CACNA2D3: variants seen among roughly 807,000 people sequenced by gnomAD.
CACNA2D3 encodes calcium voltage-gated channel auxiliary subunit alpha2delta 3.
Under a neutral mutation model 160.6 loss-of-function variants are expected in CACNA2D3, and 60 were observed. That is an observed-to-expected ratio of 0.37 (90% CI 0.30 to 0.46). The LOEUF (loss-of-function observed/expected upper bound fraction) is 0.46, where lower values mean the gene tolerates loss of function less well. CACNA2D3 is among the 20% of genes least tolerant of loss of function. The probability of loss-of-function intolerance (pLI) is 1.00; values close to 1 mark genes in which losing one functional copy is unlikely to be tolerated. For missense variants in CACNA2D3, 1,205 were observed against 1,365.0 expected (o/e 0.88, Z 1.85); for synonymous variants, 558 against 492.9 (o/e 1.13, Z -1.75).
chr3:55,033,470 A>G (rs1157528447), intron 35 of CACNA2D3, among the ~76,000 whole-genome samples: 1 of 151,184 alleles, frequency 6.6e-6, no homozygotes, highest in Non-Finnish European at 1.5e-5. Flanking sequence ...GCTTAGGTAT[A>G]TTAAATGTTT....
chr3:54,240,684 G>A (rs1428281514), intron 2 of CACNA2D3, among the ~76,000 whole-genome samples: 1 of 152,152 alleles, frequency 6.6e-6, no homozygotes, highest in Non-Finnish European at 1.5e-5. Context: ...TGCTGGTTTT[G>A]TAAGGAGATG....
chr3:54,646,180 C>CTTCCT (rs1699640073), intron 11 of CACNA2D3, among the ~76,000 whole-genome samples: 3 of 30,142 alleles, frequency 1.0e-4, no homozygotes, highest in African/African-American at 2.7e-4. Flanking sequence ...CCCTCCCTCC[C>CTTCCT]TCCCTCCTTC....
intron 2 of CACNA2D3, among the ~76,000 whole-genome samples, chr3:54,277,993 G>A (rs1214027284): frequency 2.6e-5 from 4 of 152,056 alleles, no homozygotes; most frequent in Non-Finnish European, 5.9e-5. Context: ...TGGACAAATG[G>A]GATCTAATTA....
At chr3:54,764,966 A>G (rs1702192247) in intron 13 of CACNA2D3, among the ~76,000 whole-genome samples, 1 of 152,200 alleles carries the variant, frequency 6.6e-6, no homozygotes, top group Admixed American at 6.5e-5. Context: ...GTAATGGCTC[A>G]ATGGCTGGGT....
At chr3:54,493,033 T>A (rs1350408034) in intron 4 of CACNA2D3, among the ~76,000 whole-genome samples, 1 of 143,096 alleles carries the variant, frequency 7.0e-6, no homozygotes, top group Non-Finnish European at 1.5e-5. Flanking sequence ...AATAAATAAA[T>A]ATGTATGTGG....
chr3:54,788,368 C>A (rs971738264), intron 13 of CACNA2D3, among the ~76,000 whole-genome samples: 1 of 152,148 alleles, frequency 6.6e-6, no homozygotes, highest in Non-Finnish European at 1.5e-5. Flanking sequence ...CACCACCAGT[C>A]CGTGACTAAG....
chr3:54,633,948 C>T (rs541795939), intron 10 of CACNA2D3, among the ~76,000 whole-genome samples: 1 of 152,046 alleles, frequency 6.6e-6, no homozygotes, highest in Non-Finnish European at 1.5e-5. Flanking sequence ...CATGGTACCC[C>T]GTGCGTGATT....
intron 4 of CACNA2D3, 131 bp downstream of exon 4, chr3:54,386,905 G>C (rs1380848906): frequency 1.8e-5 from 14 of 798,720 alleles, no homozygotes; most frequent in Admixed American, 2.9e-5. Context: ...TACTGAGTTG[G>C]AATCTTTGAC....
In CACNA2D3 at chr3:54,708,184, T is replaced by G. The variant is rs536053676; in HGVS notation, c.1168-44415T>G. 2.0e-5 allele frequency among the ~76,000 whole-genome samples: 3 copies of G among 152,320 alleles called. No individual in the cohort carries two copies. The South Asian group carries it at 6.2e-4, about 32-fold the overall frequency. On this transcript the variant is annotated intron_variant, in intron 11 of 37. Transcript: ENST00000474759. ...AACATATAAAACCATCCAGTGAAACTTTTCTGGATTTCTAACTGAATAATC... is the reference window on the plus strand; with the variant it reads ...AACATATAAAACCATCCAGTGAAACGTTTCTGGATTTCTAACTGAATAATC...
chr3:54,320,437 T>A lies in CACNA2D3; in HGVS notation c.205-5T>A. On this transcript the variant is annotated splice_region_variant and splice_polypyrimidine_tract_variant and intron_variant, in intron 2 of 37. Transcript: ENST00000474759. ...TGTCTTGAATGTTGCCCTCTCTTCT[T>A]ACAGAAATACAAAGAGTATGAGAAA... The A allele has an allele frequency of 6.8e-7, 1 of 1,476,008 alleles. No homozygotes were observed. Among genetic ancestry groups the A allele is most frequent in the East Asian group, 2.5e-5 (1 of 40,622 alleles). The allele number at this position is 1,476,008 out of a possible 1,614,324, so 91.4% of individuals were successfully genotyped here. A position where few individuals can be genotyped will look rare whatever the true frequency, so the allele number is the denominator to read the frequency against.
At chr3:54,594,601 A>G (rs895864943) in intron 9 of CACNA2D3, among the ~76,000 whole-genome samples, 13 of 152,230 alleles carry the variant, frequency 8.5e-5, no homozygotes, top group African/African-American at 2.9e-4. Flanking sequence ...TCTACCTTCA[A>G]TAAACTTGCC....
intron 10 of CACNA2D3, among the ~76,000 whole-genome samples, chr3:54,631,871 T>C (rs1424606326): frequency 1.3e-5 from 2 of 152,238 alleles, no homozygotes; most frequent in Admixed American, 1.3e-4. Context: ...AATGTGATCT[T>C]TGCAGTGATT....
intron 11 of CACNA2D3, among the ~76,000 whole-genome samples, chr3:54,699,150 T>C (rs1238535458): frequency 3.3e-5 from 5 of 152,198 alleles, no homozygotes; most frequent in Non-Finnish European, 7.3e-5. Context: ...ACCCAAGTCA[T>C]AGGGAGCTGG....
intron 11 of CACNA2D3, among the ~76,000 whole-genome samples, chr3:54,698,441 C>A (rs891341847): frequency 5.3e-5 from 8 of 152,142 alleles, no homozygotes; most frequent in Admixed American, 3.3e-4. Flanking sequence ...TGCTTTGTTG[C>A]CAGTCCTGTT....
intron 17 of CACNA2D3, among the ~76,000 whole-genome samples, chr3:54,861,286 C>T (rs1699285926): frequency 6.6e-6 from 1 of 152,032 alleles, no homozygotes; most frequent in Non-Finnish European, 1.5e-5. Context: ...CAGAAATTGA[C>T]CACGACCCTA....
intron 4 of CACNA2D3, among the ~76,000 whole-genome samples, chr3:54,461,484 T>A (rs1700503292): frequency 6.6e-6 from 1 of 151,550 alleles, no homozygotes; most frequent in Non-Finnish European, 1.5e-5. Flanking sequence ...GAGATTCAAC[T>A]TCTTCCTGGT....
At chr3:54,203,340 G>C (rs758175121) in intron 2 of CACNA2D3, among the ~76,000 whole-genome samples, 2 of 152,226 alleles carry the variant, frequency 1.3e-5, no homozygotes, top group African/African-American at 2.4e-5. Context: ...TGGGCAGGCT[G>C]TGGGGCTCTG....
chr3:54,525,159 A>C (rs1482043526), intron 5 of CACNA2D3, among the ~76,000 whole-genome samples: 1 of 152,110 alleles, frequency 6.6e-6, no homozygotes, highest in Non-Finnish European at 1.5e-5. Flanking sequence ...AACCTTATTT[A>C]AAATGTATTT....
chr3:54,398,300 G>A (rs1310041449), intron 4 of CACNA2D3, among the ~76,000 whole-genome samples: 1 of 69,642 alleles, frequency 1.4e-5, no homozygotes, highest in African/African-American at 5.7e-5. Context: ...TTTAATTGCA[G>A]AATTTAGTCC....
Sources: gnomAD v4.1 joint callset for allele counts (sites outside exome capture counted in the v4.1 genomes callset) on GRCh38, gnomAD v4.1.1 for gene constraint, MANE v1.5 for transcripts, NCBI Gene and HGNC (gene_info 2026-07-23, HGNC 2026-07-21) for gene names.